CSNK1G1: variants seen among roughly 807,000 people sequenced by gnomAD.
CSNK1G1 encodes the protein casein kinase 1 gamma 1, also known as casein kinase I isoform gamma-1.
Under a neutral mutation model 59.6 loss-of-function variants are expected in CSNK1G1, and 22 were observed. The ratio of observed to expected loss-of-function variants is 0.37; its 90% CI spans 0.26 to 0.53. CSNK1G1 has a LOEUF of 0.53. Among genes scored for constraint, CSNK1G1 ranks in the 20% least tolerant of loss-of-function variants. The pLI, the probability that CSNK1G1 is intolerant of heterozygous loss-of-function variation, is 0.89. For missense variants in CSNK1G1, 384 were observed against 519.5 expected (o/e 0.74, Z 2.54); for synonymous variants, 179 against 177.1 (o/e 1.01, Z -0.08).
chr15:64,257,321 C>T (rs1286375841), intron 3 of CSNK1G1, among the ~76,000 whole-genome samples: 1 of 152,052 alleles, frequency 6.6e-6, no homozygotes, highest in Non-Finnish European at 1.5e-5. Flanking sequence ...AGAACTGTCC[C>T]TAACAGAAAG....
intron 1 of CSNK1G1, among the ~76,000 whole-genome samples, chr15:64,334,710 G>T (rs1227662043): frequency 6.6e-6 from 1 of 152,176 alleles, no homozygotes; most frequent in Admixed American, 6.5e-5. Context: ...TGATCTGACA[G>T]GAGGTGGCGC....
chr15:64,327,095 G>A (rs901673871), intron 1 of CSNK1G1, among the ~76,000 whole-genome samples: 4 of 151,932 alleles, frequency 2.6e-5, no homozygotes, highest in Non-Finnish European at 5.9e-5. Context: ...CGAGGCTGGG[G>A]GAGGGGCGCC....
chr15:64,179,717 G>A (rs984546938), intron 11 of CSNK1G1, among the ~76,000 whole-genome samples: 5 of 152,188 alleles, frequency 3.3e-5, no homozygotes, highest in Admixed American at 2.0e-4. Flanking sequence ...ACCATGCAGC[G>A]CACCAAGGGG....
rs2081635393 is a variant in CSNK1G1, at chr15:64,169,097, G to A, written c.*2834C>T. 1 of 152,692 alleles carries A rather than the reference G, an allele frequency of 6.5e-6. No individual in the cohort carries two copies. The highest frequency in any genetic ancestry group is 1.5e-5 in the Non-Finnish European group (1 of 68,102). The allele number at this position is 152,692 out of a possible 1,614,324, so 9.5% of individuals were successfully genotyped here. On this transcript the variant is annotated 3_prime_UTR_variant, in exon 12 of 12. Coordinates refer to ENST00000303052, the MANE Select transcript of CSNK1G1 (RefSeq NM_022048.5). Reference sequence around the variant, plus strand: ...CGCAAATCCAGCTGCAAGGCAGCTTGCCCTGCAGCCAAGCTGGTCAGTGCC... The same window carrying A: ...CGCAAATCCAGCTGCAAGGCAGCTTACCCTGCAGCCAAGCTGGTCAGTGCC...
intron 9 of CSNK1G1, among the ~76,000 whole-genome samples, chr15:64,203,410 A>C (rs1459936027): frequency 6.6e-6 from 1 of 152,012 alleles, no homozygotes; most frequent in Non-Finnish European, 1.5e-5. Context: ...GAAAACAAAA[A>C]ACCAGGGCCG....
intron 2 of CSNK1G1, among the ~76,000 whole-genome samples, chr15:64,296,634 G>A (rs866658553): frequency 5.3e-4 from 80 of 152,132 alleles, no homozygotes; most frequent in African/African-American, 1.7e-3. Context: ...GGAGGCTGAC[G>A]TGGGCAGATC....
intron 2 of CSNK1G1, among the ~76,000 whole-genome samples, chr15:64,287,288 C>T (rs1482220134): frequency 2.0e-5 from 3 of 152,126 alleles, no homozygotes; most frequent in Non-Finnish European, 2.9e-5. Flanking sequence ...AAGTCTAAAA[C>T]TTAACTACTT....
intron 2 of CSNK1G1, among the ~76,000 whole-genome samples, chr15:64,284,926 A>G (rs1566933505): frequency 1.3e-5 from 2 of 152,080 alleles, no homozygotes; most frequent in Non-Finnish European, 2.9e-5. Flanking sequence ...CTGTATACAA[A>G]TTTTGTGAAA....
chr15:64,225,010 T>C (rs1057128616), intron 4 of CSNK1G1, among the ~76,000 whole-genome samples: 5 of 149,112 alleles, frequency 3.4e-5, no homozygotes, highest in East Asian at 1.9e-4. Flanking sequence ...ACTTTTCTTT[T>C]TTTTTTTTTT....
At chr15:64,219,053 C>G (rs1433954058) in intron 4 of CSNK1G1, among the ~76,000 whole-genome samples, 1 of 152,048 alleles carries the variant, frequency 6.6e-6, no homozygotes, top group Non-Finnish European at 1.5e-5. Flanking sequence ...CAGCGTTCCC[C>G]CATGTTGGCC....
chr15:64,234,125 T>A (rs923551001), intron 4 of CSNK1G1, among the ~76,000 whole-genome samples: 2 of 152,120 alleles, frequency 1.3e-5, no homozygotes, highest in Non-Finnish European at 2.9e-5. Flanking sequence ...ACTCACCAAA[T>A]CAGGCACACT....
chr15:64,300,457 T>G lies in CSNK1G1; in HGVS notation c.43A>C (p.Thr15Pro), dbSNP rs758465725. 12 of 1,614,050 alleles carry G rather than the reference T, an allele frequency of 7.4e-6. No homozygotes were observed. Among genetic ancestry groups the G allele is most frequent in the Admixed American group, 1.7e-5 (1 of 59,980 alleles). The part of the protein sequence containing the change: ...SREKDERQRT[T>P]KPMAQRSAHC... ...GCACTCCTTTGTGCCATGGGTTTAG[T>G]TGTCCGTTGTCTTTCATCCTTTTCC... Residue 15 changes from threonine to proline, a missense_variant, in exon 2 of 12, where the codon ACT becomes CCT. Physicochemically the swap from Thr to Pro is conservative, Grantham distance 38 (BLOSUM62 -1). Around this residue, in one of 3 missense-constraint regions of CSNK1G1, gnomAD observed 56 missense variants for 60.8 expected, o/e 0.92. Coordinates refer to ENST00000303052, the MANE Select transcript of CSNK1G1 (RefSeq NM_022048.5).
Position 64,300,427 on chromosome 15 carries a change from A to T in CSNK1G1, c.73T>A (p.Cys25Ser). 6.2e-7 allele frequency: 1 copy of T among 1,614,170 alleles called. No homozygotes were observed. The highest frequency in any genetic ancestry group is 1.1e-5 in the South Asian group (1 of 91,084). Reference protein sequence around the residue: ...TKPMAQRSAHCSRPSGSSSSS... With the variant: ...TKPMAQRSAHSSRPSGSSSSS... ...GATGAGGAGCCAGATGGTCGAGAGC[A>T]GTGTGCACTCCTTTGTGCCATGGGT... Residue 25 changes from cysteine to serine, a missense_variant, in exon 2 of 12, where the codon TGC becomes AGC. Physicochemically the swap from Cys to Ser is moderately radical, Grantham distance 112 (BLOSUM62 -1). Coordinates refer to ENST00000303052, the MANE Select transcript of CSNK1G1 (RefSeq NM_022048.5).
chr15:64,172,111 C>G (rs1347921908), intron 11 of CSNK1G1, 126 bp from the exon 12 acceptor site: 1 of 803,834 alleles, frequency 1.2e-6, no homozygotes, highest in Non-Finnish European at 2.1e-6. Context: ...GACCACCCAC[C>G]ATCTACAGTG....
intron 2 of CSNK1G1, among the ~76,000 whole-genome samples, chr15:64,279,882 G>A (rs752018875): frequency 1.3e-5 from 2 of 151,148 alleles, no homozygotes; most frequent in Non-Finnish European, 2.9e-5. Context: ...TGAGGCAGGA[G>A]AATCCCTTGA....
chr15:64,266,980 G>A (rs1164489863), intron 2 of CSNK1G1, among the ~76,000 whole-genome samples: 1 of 152,182 alleles, frequency 6.6e-6, no homozygotes, highest in Admixed American at 6.5e-5. Flanking sequence ...GACCTCAAAA[G>A]CAAAGCAGGC....
chr15:64,190,913 A>C (rs888278848), intron 10 of CSNK1G1, among the ~76,000 whole-genome samples: 1 of 152,180 alleles, frequency 6.6e-6, no homozygotes, highest in Non-Finnish European at 1.5e-5. Flanking sequence ...TTAAGCTCTT[A>C]AACTATTATA....
intron 1 of CSNK1G1, among the ~76,000 whole-genome samples, chr15:64,336,228 A>C (rs1432796635): frequency 6.9e-6 from 1 of 145,912 alleles, no homozygotes; most frequent in Non-Finnish European, 1.5e-5. Context: ...AATTTACTTG[A>C]CAAATTATCT....
In CSNK1G1 at chr15:64,216,507, A is replaced by C; in HGVS notation, c.444+55T>G. On this transcript the variant is annotated intron_variant, in intron 5 of 11. Coordinates refer to ENST00000303052, the MANE Select transcript of CSNK1G1 (RefSeq NM_022048.5). The surrounding 1 kb of genome is among the most constrained non-coding windows in gnomAD (Gnocchi z 4.6). The stretch of plus-strand genomic sequence containing the variant: ...CTAGTAAATCACCAAAAGGCCCACA[A>C]GGATGTGGCTGAGGAACCAGCTTAT... The C allele has an allele frequency of 6.4e-7, 1 of 1,553,944 alleles. No homozygotes were observed. The highest frequency in any genetic ancestry group is 1.7e-5 in the Admixed American group (1 of 59,250).
Sources: allele counts gnomAD v4.1 joint callset (sites outside exome capture counted in the v4.1 genomes callset), GRCh38; gene constraint gnomAD v4.1.1; regional missense constraint gnomAD v4.1.1; non-coding constraint Gnocchi (gnomAD v3.1); transcripts MANE v1.5; gene names NCBI Gene and HGNC (gene_info 2026-07-23, HGNC 2026-07-21).